CXADR: variants seen among roughly 807,000 people sequenced by gnomAD.
CXADR encodes coxsackievirus and adenovirus receptor.
CXADR carries 20 observed loss-of-function variants against 40.3 expected under a neutral mutation model. That is an observed-to-expected ratio of 0.50 (90% CI 0.35 to 0.72). The LOEUF is 0.72. Ranked by LOEUF, CXADR falls within the 30% of genes least tolerant of loss-of-function variation. The pLI, the probability that CXADR is intolerant of heterozygous loss-of-function variation, is 0.01. For missense variants in CXADR, 332 were observed against 449.1 expected (o/e 0.74, Z 2.36); for synonymous variants, 150 against 161.3 (o/e 0.93, Z 0.53).
At chr21:17,597,123 G>A (rs1289531137), downstream of CXADR, among the ~76,000 whole-genome samples, 2 of 151,998 alleles carry the variant, frequency 1.3e-5, no homozygotes, top group African/African-American at 2.4e-5. Flanking sequence ...TAAAAAGCAC[G>A]TAAGAGACAC....
chr21:17,628,330 T>C, the CXADR span, among the ~76,000 whole-genome samples: 35 of 152,182 alleles, frequency 2.3e-4, no homozygotes, highest in African/African-American at 7.5e-4. Context: ...GTAAGATAAG[T>C]TGGGAAGCTG....
At chr21:17,620,606 T>C in the CXADR span, among the ~76,000 whole-genome samples, 2 of 152,180 alleles carry the variant, frequency 1.3e-5, no homozygotes, top group African/African-American at 2.4e-5. Context: ...GACACAAGAT[T>C]GCCAAAATCT....
intron 1 of CXADR, among the ~76,000 whole-genome samples, chr21:17,545,033 G>C (rs1486905169): frequency 6.8e-6 from 1 of 148,128 alleles, no homozygotes; most frequent in Non-Finnish European, 1.5e-5. Flanking sequence ...TGGAGAATTA[G>C]GACTTTGGAT....
At chr21:17,595,553 A>C (rs530493532), downstream of CXADR, among the ~76,000 whole-genome samples, 1 of 152,126 alleles carries the variant, frequency 6.6e-6, no homozygotes, top group African/African-American at 2.4e-5. Flanking sequence ...TACATTTCAT[A>C]ATAATACATT....
the CXADR span, among the ~76,000 whole-genome samples, chr21:17,603,690 T>C: frequency 6.6e-6 from 1 of 152,202 alleles, no homozygotes; most frequent in Non-Finnish European, 1.5e-5. Context: ...GGAAAATTCT[T>C]GCAGGAATTC....
chr21:17,624,865 C>T, the CXADR span, among the ~76,000 whole-genome samples: 1 of 152,166 alleles, frequency 6.6e-6, no homozygotes, highest in Non-Finnish European at 1.5e-5. Context: ...CATTACACAG[C>T]AGGTCCTTGC....
chr21:17,577,199 G>A (rs1284295930), intron 7 of CXADR, among the ~76,000 whole-genome samples: 2 of 151,982 alleles, frequency 1.3e-5, no homozygotes, highest in East Asian at 3.9e-4. Flanking sequence ...GTGACCAATA[G>A]TAAATGAATT....
At chr21:17,587,365 A>G (rs2123396998) in intron 7 of CXADR, among the ~76,000 whole-genome samples, 1 of 152,254 alleles carries the variant, frequency 6.6e-6, no homozygotes, top group Non-Finnish European at 1.5e-5. Flanking sequence ...ACAGTGTAAA[A>G]GTGTTCCTAT....
At chr21:17,593,052 A>G (rs2061454905) in intron 7 of CXADR, 1 of 1,004,000 alleles carries the variant, frequency 1.0e-6, no homozygotes, top group South Asian at 4.6e-5. Context: ...TTTAAAGATG[A>G]AGGTGATGGA....
chr21:17,595,791 A>T (rs1337659121), downstream of CXADR, among the ~76,000 whole-genome samples: 1 of 152,032 alleles, frequency 6.6e-6, no homozygotes, highest in East Asian at 1.9e-4. Flanking sequence ...TTCTTTTGGT[A>T]AATATTTAAT....
chr21:17,566,835 G>C lies in CXADR; in HGVS notation c.*1143G>C, dbSNP rs1354470896. 3.1e-6 allele frequency: 3 copies of C among 977,094 alleles called. No homozygotes were observed. In the African/African-American group the frequency reaches 5.3e-5, roughly 17 times the overall value. The allele number at this position is 977,094 out of a possible 1,614,324, so 60.5% of individuals were successfully genotyped here. The stretch of plus-strand genomic sequence containing the variant: ...TCCATCAATTCTGTATTCCAGACTT[G>C]GGAGGATGTACAGTTGCTGTTGTGT... On this transcript the variant is annotated 3_prime_UTR_variant, in exon 7 of 7. Transcript: ENST00000284878.
chr21:17,599,041 A>C, the CXADR span: 138,578 of 407,804 alleles, frequency 0.34, 24,222 homozygotes, highest in African/African-American at 0.4. Flanking sequence ...TCATAAACAT[A>C]ACCCCATTTT....
intron 1 of CXADR, among the ~76,000 whole-genome samples, chr21:17,527,415 T>A (rs942238823): frequency 1.3e-5 from 2 of 152,238 alleles, no homozygotes; most frequent in East Asian, 1.9e-4. Flanking sequence ...ATTGTAAATT[T>A]GTATTAAATA....
At position 17,567,365 on chromosome 21, in the gene CXADR, CT is replaced by C; in HGVS notation, c.*1675del. 1.0e-6 allele frequency: 1 copy of C among 984,808 alleles called. No homozygotes were observed. The highest frequency in any genetic ancestry group is 1.2e-6 in the Non-Finnish European group (1 of 829,416). The allele number at this position is 984,808 out of a possible 1,614,324, so 61.0% of individuals were successfully genotyped here. A position where few individuals can be genotyped will look rare whatever the true frequency, so the allele number is the denominator to read the frequency against. On this transcript the variant is annotated 3_prime_UTR_variant, in exon 7 of 7. Coordinates refer to ENST00000284878, the MANE Select transcript of CXADR (RefSeq NM_001338.5). Reference sequence around the variant, plus strand: ...AAGCATTTTAAAAACAGGTTTTAACCTTATGTAAAATTACTTTTATACTCGT... The same window carrying C: ...AAGCATTTTAAAAACAGGTTTTAACCTATGTAAAATTACTTTTATACTCGT...
At chr21:17,530,850 C>T (rs1248248914) in intron 1 of CXADR, among the ~76,000 whole-genome samples, 1 of 152,026 alleles carries the variant, frequency 6.6e-6, no homozygotes, top group East Asian at 1.9e-4. Flanking sequence ...GTGACATTAT[C>T]CTACATGTGT....
intron 7 of CXADR, among the ~76,000 whole-genome samples, chr21:17,589,863 AG>A (rs1449604864): frequency 2.0e-5 from 3 of 152,060 alleles, no homozygotes; most frequent in Admixed American, 6.6e-5. Context: ...TTAAGCCTCT[AG>A]TAACACTGTA....
chr21:17,555,011 C>T (rs1021653493), intron 3 of CXADR, among the ~76,000 whole-genome samples: 3 of 152,118 alleles, frequency 2.0e-5, no homozygotes, highest in Non-Finnish European at 2.9e-5. Flanking sequence ...GCTCCATTGC[C>T]GTGCCTGCCT....
At chr21:17,558,887 A>T (rs895265779) in intron 3 of CXADR, 89 bp from the exon 4 acceptor site, 15 of 1,335,824 alleles carry the variant, frequency 1.1e-5, no homozygotes, top group Non-Finnish European at 1.3e-5. Context: ...GAACCAACTG[A>T]TAATGAGTCA....
intron 7 of CXADR, among the ~76,000 whole-genome samples, chr21:17,581,630 G>A (rs935620409): frequency 8.9e-6 from 1 of 112,838 alleles, no homozygotes; most frequent in African/African-American, 3.5e-5. Flanking sequence ...GATCACTTGA[G>A]GCCAGGAGTT....
Sources: gnomAD v4.1 joint callset for allele counts (sites outside exome capture counted in the v4.1 genomes callset) on GRCh38, gnomAD v4.1.1 for gene constraint, MANE v1.5 for transcripts, NCBI Gene and HGNC (gene_info 2026-07-23, HGNC 2026-07-21) for gene names.